The following CCNJL variants were observed in gnomAD, a reference collection of about 807,000 sequenced individuals.
The protein encoded by CCNJL is cyclin-J-like protein.
A neutral mutation model predicts 33.4 loss-of-function variants in CCNJL; 33 were observed. The observed-to-expected ratio is 0.99, with a 90% confidence interval of 0.75 to 1.32. The LOEUF is 1.32. Ranked by LOEUF, CCNJL falls within the 40% of genes most tolerant of loss-of-function variation. The pLI is 0.00. For missense variants in CCNJL, 512 were observed against 499.7 expected (o/e 1.02, Z -0.23); for synonymous variants, 227 against 220.9 (o/e 1.03, Z -0.24).
upstream of CCNJL, among the ~76,000 whole-genome samples, chr5:160,317,847 C>G (rs536725039): frequency 2.0e-5 from 3 of 152,278 alleles, no homozygotes; most frequent in South Asian, 4.1e-4. Context: ...CCTCTGAAAA[C>G]TCTAAGGAAA....
At chr5:160,267,515 T>C (rs1314776149) in intron 3 of CCNJL, among the ~76,000 whole-genome samples, 2 of 152,142 alleles carry the variant, frequency 1.3e-5, no homozygotes, top group Non-Finnish European at 2.9e-5. Flanking sequence ...AAAAAATGAA[T>C]GAATAAATGA....
chr5:160,264,942 G>A (rs568601225), intron 3 of CCNJL, among the ~76,000 whole-genome samples: 31 of 152,110 alleles, frequency 2.0e-4, no homozygotes, highest in African/African-American at 6.8e-4. Context: ...TTAAATATAC[G>A]AAAAGAGAGA....
chr5:160,258,698 TA>T, intron 4 of CCNJL: 1 of 769,306 alleles, frequency 1.3e-6, no homozygotes, highest in Non-Finnish European at 2.3e-6. Context: ...ATATCTATTG[TA>T]AAAAACAAAC....
At chr5:160,281,308 T>A (rs1762205198) in intron 2 of CCNJL, 1 of 165,016 alleles carries the variant, frequency 6.1e-6, no homozygotes, top group Non-Finnish European at 1.3e-5. Context: ...CCTAAAAAAG[T>A]TGTTGAAATA....
At chr5:160,295,918 C>A (rs976629650) in intron 2 of CCNJL, among the ~76,000 whole-genome samples, 1 of 152,130 alleles carries the variant, frequency 6.6e-6, no homozygotes, top group Non-Finnish European at 1.5e-5. Context: ...CCTGTCTCAC[C>A]GAATCAGAAT....
At chr5:160,282,989 A>ATATATATATATATATATG (rs1762280582) in intron 2 of CCNJL, among the ~76,000 whole-genome samples, 1 of 58,718 alleles carries the variant, frequency 1.7e-5, no homozygotes, top group Non-Finnish European at 3.1e-5. Context: ...ATATATATAT[A>ATATATATATATATATATG]TATATATATA....
chr5:160,288,553 TTA>T (rs770247110), intron 2 of CCNJL, among the ~76,000 whole-genome samples: 109 of 152,232 alleles, frequency 7.2e-4, no homozygotes, highest in Non-Finnish European at 1.2e-3. Flanking sequence ...TAATTATAAA[TTA>T]TATGTTCACT....
chr5:160,280,755 G>T lies in CCNJL; in HGVS notation c.67-17C>A, dbSNP rs1368624608. 7 of 1,550,944 alleles carry T rather than the reference G, an allele frequency of 4.5e-6. No individual in the cohort carries two copies. The highest frequency in any genetic ancestry group is 6.1e-6 in the Non-Finnish European group (7 of 1,138,864). ...CTTCAGTTCCTGGAGGACAGGCGGG[G>T]CGGAGGGGTGACGGTCAGGGCTGCC... On this transcript the variant is annotated splice_polypyrimidine_tract_variant and intron_variant, in intron 2 of 5. Coordinates refer to ENST00000257536, the MANE Select transcript of CCNJL (RefSeq NM_001308173.3).
intron 2 of CCNJL, among the ~76,000 whole-genome samples, chr5:160,304,023 T>TA (rs1265248497): frequency 5.3e-5 from 8 of 152,218 alleles, no homozygotes; most frequent in African/African-American, 1.9e-4. Flanking sequence ...ATTGATGGGG[T>TA]ACACCCACAC....
intron 1 of CCNJL, chr5:160,326,721 T>C: frequency 1.1e-6 from 1 of 918,618 alleles, no homozygotes; most frequent in Admixed American, 1.8e-5. Context: ...GGCCAGAAAG[T>C]GCAGAAGGTT....
chr5:160,338,877 T>C (rs10476323), intron 1 of CCNJL, among the ~76,000 whole-genome samples: 72,561 of 151,764 alleles, frequency 0.48, 17,612 homozygotes, highest in Middle Eastern at 0.54. Flanking sequence ...TTGCCACTTC[T>C]ACCTCCGGGT....
At chr5:160,265,817 C>CA (rs1761556634) in intron 3 of CCNJL, among the ~76,000 whole-genome samples, 1 of 149,302 alleles carries the variant, frequency 6.7e-6, no homozygotes, top group South Asian at 2.1e-4. Flanking sequence ...CGGGGCACTG[C>CA]ACTCTAGCCT....
intron 1 of CCNJL, among the ~76,000 whole-genome samples, chr5:160,327,703 G>A (rs1763554389): frequency 6.6e-6 from 1 of 152,156 alleles, no homozygotes; most frequent in Non-Finnish European, 1.5e-5. Flanking sequence ...GTCCTGGCAG[G>A]ATAAAGCTCC....
intron 5 of CCNJL, chr5:160,254,305 G>A: frequency 1.5e-6 from 1 of 667,986 alleles, no homozygotes; most frequent in Non-Finnish European, 2.7e-6. Flanking sequence ...ATTGACCGCT[G>A]GGGCCTAGGA....
At chr5:160,273,371 C>G (rs1346109647) in intron 3 of CCNJL, among the ~76,000 whole-genome samples, 3 of 152,192 alleles carry the variant, frequency 2.0e-5, no homozygotes, top group Non-Finnish European at 4.4e-5. Flanking sequence ...CTACAAGGCA[C>G]ATCACAGCCT....
chr5:160,264,046 G>A (rs1263300176), intron 3 of CCNJL, among the ~76,000 whole-genome samples: 3 of 151,040 alleles, frequency 2.0e-5, no homozygotes, highest in Admixed American at 1.3e-4. Flanking sequence ...CCTGGGTTCA[G>A]GTGGCCCTCC....
intron 1 of CCNJL, among the ~76,000 whole-genome samples, chr5:160,335,814 C>T (rs1308910751): frequency 1.3e-5 from 2 of 149,954 alleles, no homozygotes; most frequent in Non-Finnish European, 2.9e-5. Context: ...AAATTCCTGG[C>T]TTCAAGTGAT....
chr5:160,307,143 G>T (rs1363323397), intron 2 of CCNJL, among the ~76,000 whole-genome samples: 7 of 152,222 alleles, frequency 4.6e-5, no homozygotes, highest in Admixed American at 6.5e-5. Flanking sequence ...GAGTCCATTT[G>T]GGGCTGTCTC....
At chr5:160,260,655 C>A (rs1274597394) in intron 3 of CCNJL, among the ~76,000 whole-genome samples, 2 of 152,152 alleles carry the variant, frequency 1.3e-5, no homozygotes, top group Non-Finnish European at 2.9e-5. Context: ...GCGTGAGGCT[C>A]TGCAGACTGT....
Sources: gnomAD v4.1 joint callset for allele counts (sites outside exome capture counted in the v4.1 genomes callset) on GRCh38, gnomAD v4.1.1 for gene constraint, MANE v1.5 for transcripts, NCBI Gene and HGNC (gene_info 2026-07-23, HGNC 2026-07-21) for gene names.